Variants in CFL1 observed in about 807,000 individuals in gnomAD.
CFL1 encodes cofilin-1.
A neutral mutation model predicts 16.3 loss-of-function variants in CFL1; 2 were observed. That is an observed-to-expected ratio of 0.12 (90% CI 0.05 to 0.39). The LOEUF (loss-of-function observed/expected upper bound fraction) is 0.39, where lower values mean the gene tolerates loss of function less well. Among genes scored for constraint, CFL1 ranks in the 10% least tolerant of loss-of-function variants. CFL1 has a pLI of 0.99. For synonymous variants in CFL1, 111 were observed against 84.4 expected (o/e 1.31, Z -1.73); for missense variants, 75 against 212.2 (o/e 0.35, Z 4.02).
rs1859422009 is a variant in CFL1, at chr11:65,858,088, G to A, written c.3+9C>T. ...CCGCCTCCCTCAGGCGCCGTGGCCT[G>A]CCGCTCACCATGTTTCCGGAAACGA... On this transcript the variant is annotated intron_variant, in intron 1 of 3. Transcript: ENST00000308162. 6.5e-7 allele frequency: 1 copy of A among 1,535,814 alleles called. No homozygotes were observed. The highest frequency in any genetic ancestry group is 1.4e-5 in the African/African-American group (1 of 71,070).
Position 65,855,441 on chromosome 11 carries a change from C to T in CFL1, c.396G>A (p.Lys132=), listed in dbSNP as rs1859367459. 6.2e-7 allele frequency: 1 copy of T among 1,613,438 alleles called. No individual in the cohort carries two copies. Among genetic ancestry groups the T allele is most frequent in the South Asian group, 1.1e-5 (1 of 91,070 alleles). The change falls in exon 4 of 4, where the codon AAG becomes AAA. Residue 132 remains lysine (K), a synonymous_variant. Coordinates refer to ENST00000308162, the MANE Select transcript of CFL1 (RefSeq NM_005507.3). ...CGTAGCAGTTTGCTTGCAATTCATG[C>T]TTGATCCCTATAAAGAAGAAAGGGG... The part of the protein sequence containing the change: ...DAIKKKLTGI[K]HELQANCYEE...
intron 1 of CFL1, 55 bp from the exon 2 acceptor site, chr11:65,856,297 G>A (rs544951736): frequency 1.3e-6 from 2 of 1,549,804 alleles, no homozygotes; most frequent in East Asian, 2.3e-5. Flanking sequence ...ACTGCCCCTT[G>A]TTTTTTCAGA....
intron 1 of CFL1, chr11:65,857,334 G>A (rs898345829): frequency 2.8e-6 from 1 of 352,330 alleles, no homozygotes. Flanking sequence ...CATCCGGGAA[G>A]GCCTCGCTGG....
At chr11:65,857,629 G>C (rs1246012155) in intron 1 of CFL1, 1 of 226,348 alleles carries the variant, frequency 4.4e-6, no homozygotes, top group Non-Finnish European at 9.5e-6. Flanking sequence ...TCCCGAGACG[G>C]ACCCGGCTGC....
chr11:65,858,037 C>T, intron 1 of CFL1, 60 bp downstream of exon 1: 1 of 1,511,812 alleles, frequency 6.6e-7, no homozygotes, highest in Non-Finnish European at 8.9e-7. Context: ...CCAGTCGCTT[C>T]CCGCGCGCAG....
rs1591047021 is a variant in CFL1, at chr11:65,856,186, C to G, written c.60G>C (p.Val20=). The change falls in exon 2 of 4, where the codon GTG becomes GTC. Residue 20 remains valine (V), a synonymous_variant. Coordinates refer to ENST00000308162, the MANE Select transcript of CFL1 (RefSeq NM_005507.3). ...CCTCCTCTGGCGTTGAAGACTTACG[C>G]ACCTTCATGTCGTTGAACACCTTGA... ...GVIKVFNDMK[V]RKSSTPEEVK... The G allele has an allele frequency of 1.2e-6, 2 of 1,614,086 alleles. No homozygotes were observed. Among genetic ancestry groups the G allele is most frequent in the African/African-American group, 1.3e-5 (1 of 74,918 alleles).
In CFL1 at chr11:65,858,160, G is replaced by T; in HGVS notation, c.-61C>A. Reference sequence around the variant, plus strand: ...CGCAGAAGACGAGAGCGCTGCAGCCGCTGCCGGGACCCGACTGAACGCGGC... The same window carrying T: ...CGCAGAAGACGAGAGCGCTGCAGCCTCTGCCGGGACCCGACTGAACGCGGC... On this transcript the variant is annotated 5_prime_UTR_variant, in exon 1 of 4. Coordinates refer to ENST00000308162, the MANE Select transcript of CFL1 (RefSeq NM_005507.3). 1 of 1,506,112 alleles carries T rather than the reference G, an allele frequency of 6.6e-7. No individual in the cohort carries two copies. Among genetic ancestry groups the T allele is most frequent in the Non-Finnish European group, 8.9e-7 (1 of 1,125,026 alleles). The allele number at this position is 1,506,112 out of a possible 1,614,324, so 93.3% of individuals were successfully genotyped here.
Position 65,858,173 on chromosome 11 carries a change from G to C in CFL1, c.-74C>G. On this transcript the variant is annotated 5_prime_UTR_variant, in exon 1 of 4. Transcript: ENST00000308162. ...AGCGCTGCAGCCGCTGCCGGGACCC[G>C]ACTGAACGCGGCCTCTCCCGGCCCC... 1 of 1,480,156 alleles carries C rather than the reference G, an allele frequency of 6.8e-7. No homozygotes were observed. The highest frequency in any genetic ancestry group is 9.0e-7 in the Non-Finnish European group (1 of 1,105,380). The allele number at this position is 1,480,156 out of a possible 1,614,324, so 91.7% of individuals were successfully genotyped here. A position where few individuals can be genotyped will look rare whatever the true frequency, so the allele number is the denominator to read the frequency against.
chr11:65,855,675 C>A lies in CFL1; in HGVS notation c.367G>T (p.Ala123Ser). The A allele has an allele frequency of 6.4e-7, 1 of 1,572,756 alleles. No individual in the cohort carries two copies. ...TTACCTGTCAGCTTCTTCTTGATGG[C>A]GTCCTTGGAGCTGGCATAAATCATT... ...SKMIYASSKD[A>S]IKKKLTGIKH... is the part of the protein sequence containing the mutation. Residue 123 changes from alanine to serine, a missense_variant, in exon 3 of 4, where the codon GCC (alanine) becomes TCC (serine). Ala to Ser is a moderately conservative substitution (Grantham distance 99). Coordinates refer to ENST00000308162, the MANE Select transcript of CFL1 (RefSeq NM_005507.3).
Position 65,855,642 on chromosome 11 carries a change from G to A in CFL1, c.388+12C>T. 6.4e-7 allele frequency: 1 copy of A among 1,566,320 alleles called. No homozygotes were observed. Among genetic ancestry groups the A allele is most frequent in the Non-Finnish European group, 8.6e-7 (1 of 1,156,406 alleles). ...GAGCAGAAGGGCACTCAGCACCAAT[G>A]CTGGCCCTTACCTGTCAGCTTCTTC... On this transcript the variant is annotated intron_variant, in intron 3 of 3. Transcript: ENST00000308162.
At chr11:65,856,552 CATTTGCTACTCACAGT>C (rs1399303307) in intron 1 of CFL1, 16 of 355,588 alleles carry the variant, frequency 4.5e-5, no homozygotes, top group Admixed American at 9.0e-5. Flanking sequence ...GCTACTGACT[CATTTGCTACTCACAGT>C]ACTTGCTCTC....
intron 1 of CFL1, chr11:65,857,895 G>A (rs1859417755): frequency 2.6e-6 from 1 of 379,840 alleles, no homozygotes. Flanking sequence ...CCCAGGCGGA[G>A]CGCGAGCGAC....
In CFL1 at chr11:65,855,746, C is replaced by T. The variant is rs201465961; in HGVS notation, c.312-16G>A. Reference sequence around the variant, plus strand: ...CTCGGGGGCCCTGGACAGAAACACGCGTCAGGCAACTCCCAGCAACAGCAA... The same window carrying T: ...CTCGGGGGCCCTGGACAGAAACACGTGTCAGGCAACTCCCAGCAACAGCAA... On this transcript the variant is annotated splice_polypyrimidine_tract_variant and intron_variant, in intron 2 of 3. Transcript: ENST00000308162. 847 of 1,530,578 alleles carry T rather than the reference C, an allele frequency of 5.5e-4. 4 individuals carry two copies. In the African/African-American group the frequency reaches 7.8e-3, roughly 14 times the overall value. The allele number at this position is 1,530,578 out of a possible 1,614,324, so 94.8% of individuals were successfully genotyped here. A position where few individuals can be genotyped will look rare whatever the true frequency, so the allele number is the denominator to read the frequency against.
At position 65,854,723 on chromosome 11, in the gene CFL1, G is replaced by A. The variant is rs768756448; in HGVS notation, c.*613C>T. ...GGCTGGTTGGGTGTGGAGTACAGAGGAGAGAGATAGCACCATTATCCCAGT... is the reference window on the plus strand; with the variant it reads ...GGCTGGTTGGGTGTGGAGTACAGAGAAGAGAGATAGCACCATTATCCCAGT... On this transcript the variant is annotated 3_prime_UTR_variant, in exon 4 of 4. Transcript: ENST00000308162. The A allele has an allele frequency of 1.3e-5, 2 of 152,946 alleles. No homozygotes were observed. The highest frequency in any genetic ancestry group is 4.8e-5 in the African/African-American group (2 of 41,408). The allele number at this position is 152,946 out of a possible 1,614,324, so 9.5% of individuals were successfully genotyped here. A position where few individuals can be genotyped will look rare whatever the true frequency, so the allele number is the denominator to read the frequency against.
chr11:65,855,458 A>C lies in CFL1; in HGVS notation c.389-10T>G. 6.2e-7 allele frequency: 1 copy of C among 1,612,560 alleles called. No homozygotes were observed. ...AATTCATGCTTGATCCCTATAAAGA[A>C]GAAAGGGGAGCATCTGTGAGCAGGA... On this transcript the variant is annotated splice_polypyrimidine_tract_variant and intron_variant, in intron 3 of 3. Coordinates refer to ENST00000308162, the MANE Select transcript of CFL1 (RefSeq NM_005507.3).
At position 65,856,225 on chromosome 11, in the gene CFL1, G is replaced by A. The variant is rs757149210; in HGVS notation, c.21C>T (p.Val7=). The change falls in exon 2 of 4, where the codon GTC becomes GTT. Residue 7 remains valine (V), a synonymous_variant. Coordinates refer to ENST00000308162, the MANE Select transcript of CFL1 (RefSeq NM_005507.3). ...TGAACACCTTGATGACACCATCAGA[G>A]ACAGCCACACCGGAGGCCTAGGAGA... MASGVA[V]SDGVIKVFND... is the part of the protein sequence containing the mutation. The A allele has an allele frequency of 6.8e-6, 11 of 1,613,606 alleles. No homozygotes were observed. The highest frequency in any genetic ancestry group is 6.7e-5 in the Admixed American group (4 of 59,998).
At chr11:65,857,369 G>A (rs1188566151) in intron 1 of CFL1, 2 of 404,636 alleles carry the variant, frequency 4.9e-6, no homozygotes, top group African/African-American at 2.1e-5. Context: ...ACCGGCGGCC[G>A]GGCCTGAGCG....
At position 65,855,108 on chromosome 11, in the gene CFL1, G is replaced by C. The variant is rs1265465862; in HGVS notation, c.*228C>G. 1 of 508,914 alleles carries C rather than the reference G, an allele frequency of 2.0e-6. No individual in the cohort carries two copies. The allele number at this position is 508,914 out of a possible 1,614,324, so 31.5% of individuals were successfully genotyped here. On this transcript the variant is annotated 3_prime_UTR_variant, in exon 4 of 4. Transcript: ENST00000308162. ...GAACTTGGTCTGCTTCAGCCCAAGAGGAATCAAAAGATCAAAAGCAGTTTG... is the reference window on the plus strand; with the variant it reads ...GAACTTGGTCTGCTTCAGCCCAAGACGAATCAAAAGATCAAAAGCAGTTTG...
At position 65,858,123 on chromosome 11, in the gene CFL1, G is replaced by T; in HGVS notation, c.-24C>A. 6.6e-7 allele frequency: 1 copy of T among 1,525,804 alleles called. No individual in the cohort carries two copies. The highest frequency in any genetic ancestry group is 8.8e-7 in the Non-Finnish European group (1 of 1,136,720). The allele number at this position is 1,525,804 out of a possible 1,614,324, so 94.5% of individuals were successfully genotyped here. A position where few individuals can be genotyped will look rare whatever the true frequency, so the allele number is the denominator to read the frequency against. ...ATGTTTCCGGAAACGAAAAGGAGAG[G>T]GCACCGAGAGCCGCAGAAGACGAGA... On this transcript the variant is annotated 5_prime_UTR_variant, in exon 1 of 4. Transcript: ENST00000308162.
Sources: gnomAD v4.1 joint callset for allele counts on GRCh38, gnomAD v4.1.1 for gene constraint, MANE v1.5 for transcripts, NCBI Gene and HGNC (gene_info 2026-07-23, HGNC 2026-07-21) for gene names.